ZFHX3: variants seen among roughly 807,000 people sequenced by gnomAD.
The protein encoded by ZFHX3 is zinc finger homeobox 3.
A neutral mutation model predicts 279.1 loss-of-function variants in ZFHX3; 42 were observed. The observed-to-expected ratio is 0.15, with a 90% CI of 0.12 to 0.19. The LOEUF (loss-of-function observed/expected upper bound fraction) is 0.19, where lower values mean the gene tolerates loss of function less well. ZFHX3 is among the 10% of genes least tolerant of loss of function. The pLI, the probability that ZFHX3 is intolerant of heterozygous loss-of-function variation, is 1.00. For missense variants in ZFHX3, 4,981 were observed against 4,754.0 expected (o/e 1.05, Z -1.40); for synonymous variants, 2,293 against 1,957.8 (o/e 1.17, Z -4.52).
chr16:73,200,491 T>C (rs1207430136), intron 5 of ZFHX3, among the ~76,000 whole-genome samples: 1 of 152,218 alleles, frequency 6.6e-6, no homozygotes, highest in East Asian at 1.9e-4. Flanking sequence ...ATTCTCTTGA[T>C]GCTTCCACTA....
chr16:73,483,935 T>G (rs1028189177), intron 2 of ZFHX3, among the ~76,000 whole-genome samples: 1 of 147,484 alleles, frequency 6.8e-6, no homozygotes, highest in African/African-American at 2.6e-5. Context: ...CCTTTGTTTT[T>G]TTTTTTTTTT....
intron 3 of ZFHX3, among the ~76,000 whole-genome samples, chr16:73,392,862 T>A (rs2017048097): frequency 6.6e-6 from 1 of 152,118 alleles, no homozygotes; most frequent in African/African-American, 2.4e-5. Context: ...TTTGAGACAG[T>A]CTCACTCTGT....
At chr16:73,710,153 G>A (rs2053344630) in intron 1 of ZFHX3, among the ~76,000 whole-genome samples, 1 of 151,840 alleles carries the variant, frequency 6.6e-6, no homozygotes, top group African/African-American at 2.4e-5. Flanking sequence ...CTCCAGCCTG[G>A]GCAACAAGAG....
chr16:73,837,828 G>T (rs1961184679), intron 1 of ZFHX3, among the ~76,000 whole-genome samples: 1 of 152,102 alleles, frequency 6.6e-6, no homozygotes, highest in Admixed American at 6.6e-5. Flanking sequence ...TAGAAACGGG[G>T]TTTCTCCATG....
chr16:73,299,550 C>A (rs2015003769), intron 4 of ZFHX3, among the ~76,000 whole-genome samples: 1 of 152,104 alleles, frequency 6.6e-6, no homozygotes. Context: ...CGATATAAAT[C>A]TTGATGAGGG....
intron 2 of ZFHX3, among the ~76,000 whole-genome samples, chr16:73,664,649 C>T (rs1373572810): frequency 7.2e-5 from 11 of 152,206 alleles, no homozygotes; most frequent in Non-Finnish European, 1.6e-4. Flanking sequence ...AGATCACCAG[C>T]AATATACCCG....
chr16:73,715,121 T>C (rs1235852556), intron 1 of ZFHX3, among the ~76,000 whole-genome samples: 3 of 152,192 alleles, frequency 2.0e-5, no homozygotes, highest in Non-Finnish European at 1.5e-5. Context: ...GAAATTGTAC[T>C]TGTGTCACAT....
At chr16:73,273,539 T>A (rs936843558) in intron 4 of ZFHX3, among the ~76,000 whole-genome samples, 1 of 152,184 alleles carries the variant, frequency 6.6e-6, no homozygotes, top group Non-Finnish European at 1.5e-5. Context: ...CCATTTTTTC[T>A]TTTCTTTACG....
chr16:72,805,250 G>A (rs2036228624), intron 7 of ZFHX3, among the ~76,000 whole-genome samples: 1 of 152,022 alleles, frequency 6.6e-6, no homozygotes, highest in Non-Finnish European at 1.5e-5. Context: ...CCAAAGTGCT[G>A]GGATTACAGG....
chr16:73,744,780 TC>T (rs1478971592), intron 1 of ZFHX3, among the ~76,000 whole-genome samples: 1 of 152,136 alleles, frequency 6.6e-6, no homozygotes, highest in East Asian at 1.9e-4. Flanking sequence ...TTACTATTTC[TC>T]CCTCTTTAAA....
intron 3 of ZFHX3, among the ~76,000 whole-genome samples, chr16:73,373,142 TG>T (rs35207219): frequency 0.63 from 94,236 of 150,600 alleles, 29,717 homozygotes; most frequent in East Asian, 0.84. Flanking sequence ...TGAGGAGGTT[TG>T]GGGGGGGGGT....
intron 3 of ZFHX3, among the ~76,000 whole-genome samples, chr16:72,890,490 T>A (rs904962007): frequency 1.3e-5 from 2 of 149,408 alleles, no homozygotes; most frequent in Admixed American, 6.6e-5. Flanking sequence ...TGAGATTCCT[T>A]AGAGGGTTTT....
At chr16:73,472,755 C>T (rs1181159140) in intron 2 of ZFHX3, among the ~76,000 whole-genome samples, 1 of 152,152 alleles carries the variant, frequency 6.6e-6, no homozygotes, top group Non-Finnish European at 1.5e-5. Flanking sequence ...TCCTGCCTCA[C>T]CATGGTTTGG....
intron 4 of ZFHX3, among the ~76,000 whole-genome samples, chr16:72,886,113 A>G (rs978953397): frequency 5.9e-5 from 9 of 152,202 alleles, no homozygotes; most frequent in Non-Finnish European, 1.2e-4. Flanking sequence ...GGGAGAGGGA[A>G]GATACATCTT....
At chr16:73,183,324 C>T (rs917946176) in intron 5 of ZFHX3, among the ~76,000 whole-genome samples, 2 of 152,122 alleles carry the variant, frequency 1.3e-5, no homozygotes, top group African/African-American at 4.8e-5. Flanking sequence ...CATGTGTACC[C>T]TCTAAATATA....
intron 1 of ZFHX3, among the ~76,000 whole-genome samples, chr16:72,971,504 G>A (rs878905851): frequency 2.6e-5 from 4 of 152,096 alleles, no homozygotes; most frequent in Admixed American, 2.0e-4. Flanking sequence ...TAGTTTAGTC[G>A]GCCTTTGAAA....
intron 1 of ZFHX3, among the ~76,000 whole-genome samples, chr16:73,727,931 C>T (rs1046074669): frequency 4.6e-5 from 7 of 151,274 alleles, no homozygotes; most frequent in South Asian, 2.1e-4. Context: ...TGTGTAATAT[C>T]GTAGCCACTA....
chr16:73,748,115 T>C (rs770652488), intron 1 of ZFHX3, among the ~76,000 whole-genome samples: 15 of 152,156 alleles, frequency 9.9e-5, no homozygotes, highest in Non-Finnish European at 1.8e-4. Flanking sequence ...CCTGAGAAAA[T>C]GTAGAATCTA....
intron 7 of ZFHX3, among the ~76,000 whole-genome samples, chr16:73,107,214 G>T (rs951073844): frequency 3.9e-5 from 6 of 152,178 alleles, no homozygotes; most frequent in Admixed American, 1.3e-4. Context: ...GGACTCTGAG[G>T]CAGGAGAATT....
Sources: allele counts gnomAD v4.1 joint callset (sites outside exome capture counted in the v4.1 genomes callset), GRCh38; gene constraint gnomAD v4.1.1; transcripts MANE v1.5; gene names NCBI Gene and HGNC (gene_info 2026-07-23, HGNC 2026-07-21).